Variants in APBA1 observed in about 807,000 individuals in gnomAD.
The protein encoded by APBA1 is amyloid beta precursor protein binding family A member 1, also known as amyloid-beta A4 precursor protein-binding family A member 1.
Under a neutral mutation model 86.6 loss-of-function variants are expected in APBA1, and 55 were observed. That is an observed-to-expected ratio of 0.64 (90% CI 0.51 to 0.80). APBA1 has a LOEUF of 0.80. Ranked by LOEUF, APBA1 falls within the 30% of genes least tolerant of loss-of-function variation. The probability of loss-of-function intolerance (pLI) is 0.00; values close to 1 mark genes in which losing one functional copy is unlikely to be tolerated. For missense variants in APBA1, 1,090 were observed against 1,183.0 expected, an observed-to-expected ratio of 0.92 and a Z score of 1.15; for synonymous variants, 511 against 493.9, an observed-to-expected ratio of 1.03 and a Z score of -0.46.
intron 1 of APBA1, among the ~76,000 whole-genome samples, chr9:69,579,579 G>A (rs1821872886): frequency 6.6e-6 from 1 of 152,280 alleles, no homozygotes; most frequent in Admixed American, 6.5e-5. Context: ...AAGAAATTAT[G>A]TAATTTGGCC....
intron 1 of APBA1, among the ~76,000 whole-genome samples, chr9:69,616,744 C>A (rs1486324425): frequency 5.9e-5 from 9 of 152,138 alleles, no homozygotes; most frequent in Admixed American, 3.3e-4. Flanking sequence ...TGATGTGGGA[C>A]CAGATTAGAC....
At position 69,597,653 on chromosome 9, in the gene APBA1, G is replaced by A. The variant is rs564223954; in HGVS notation, c.-70+74500C>T. Among the ~76,000 whole-genome samples the A allele has an allele frequency of 9.9e-5, 15 of 152,258 alleles. 1 individual carries two copies. The highest frequency in any genetic ancestry group is 3.4e-3 in the Middle Eastern group (1 of 294). On this transcript the variant is annotated intron_variant, in intron 1 of 12. Coordinates refer to ENST00000265381, the MANE Select transcript of APBA1 (RefSeq NM_001163.4). Reference sequence around the variant, plus strand: ...GGGTTTTTATGGTTTTAGGTCTAACGTTTAAGTCTTTAATCCATCTTGAAT... The same window carrying A: ...GGGTTTTTATGGTTTTAGGTCTAACATTTAAGTCTTTAATCCATCTTGAAT...
At chr9:69,440,234 A>G (rs1312180076) in intron 11 of APBA1, among the ~76,000 whole-genome samples, 3 of 152,126 alleles carry the variant, frequency 2.0e-5, no homozygotes, top group Non-Finnish European at 4.4e-5. Context: ...GGGGTCAGGG[A>G]CACACTTCAG....
chr9:69,486,462 G>A (rs1835611421), intron 2 of APBA1, among the ~76,000 whole-genome samples: 1 of 152,078 alleles, frequency 6.6e-6, no homozygotes, highest in African/African-American at 2.4e-5. Context: ...AAAGAGGAAG[G>A]AGACCTGTTT....
intron 1 of APBA1, among the ~76,000 whole-genome samples, chr9:69,579,125 T>C (rs1260754141): frequency 1.3e-5 from 2 of 152,052 alleles, no homozygotes; most frequent in African/African-American, 2.4e-5. Flanking sequence ...CACCTCTGCT[T>C]GTTAACATGT....
chr9:69,617,863 C>T (rs1456285373), intron 1 of APBA1, among the ~76,000 whole-genome samples: 3 of 152,118 alleles, frequency 2.0e-5, no homozygotes, highest in Non-Finnish European at 4.4e-5. Flanking sequence ...ATCTTACTTT[C>T]TTGCCAATCA....
At chr9:69,489,491 G>T (rs912196102) in intron 2 of APBA1, among the ~76,000 whole-genome samples, 1 of 152,084 alleles carries the variant, frequency 6.6e-6, no homozygotes, top group African/African-American at 2.4e-5. Flanking sequence ...ATGGATTAAA[G>T]ACTTAAATGT....
Position 69,517,184 on chromosome 9 carries a change from C to A in APBA1, c.27G>T (p.Glu9Asp), listed in dbSNP as rs1391858507. 7 of 1,536,354 alleles carry A rather than the reference C, an allele frequency of 4.6e-6. No individual in the cohort carries two copies. In the Admixed American group the frequency reaches 1.4e-4, roughly 30 times the overall value. Reference sequence around the variant, plus strand: ...CTGCCGCCTCGTCGGTCACCTCCACCTCCGCAGACCCCTCCAAGTGGTTCA... The same window carrying A: ...CTGCCGCCTCGTCGGTCACCTCCACATCCGCAGACCCCTCCAAGTGGTTCA... MNHLEGSA[E>D]VEVTDEAAGG... The change falls in exon 2 of 13, where the codon GAG becomes GAT. Residue 9 changes from glutamate (E) to aspartate (D), a missense_variant. Around this residue, in one of 6 missense-constraint regions of APBA1, gnomAD observed 678 missense variants for 647.1 expected, o/e 1.05. Transcript: ENST00000265381.
At chr9:69,448,400 A>G (rs1022307927) in intron 10 of APBA1, among the ~76,000 whole-genome samples, 2 of 152,268 alleles carry the variant, frequency 1.3e-5, no homozygotes, top group Middle Eastern at 3.2e-3. Flanking sequence ...TCTTACCTTT[A>G]ACGTGTATTA....
intron 10 of APBA1, among the ~76,000 whole-genome samples, chr9:69,449,255 C>G (rs1834961211): frequency 6.6e-6 from 1 of 152,196 alleles, no homozygotes; most frequent in Non-Finnish European, 1.5e-5. Context: ...GATTCCCAAG[C>G]TGAGGCCATT....
At chr9:69,482,519 T>C (rs547243822) in intron 2 of APBA1, among the ~76,000 whole-genome samples, 263 of 151,190 alleles carry the variant, frequency 1.7e-3, no homozygotes, top group African/African-American at 5.9e-3. Context: ...TTTTACACTG[T>C]TGGTGGGACT....
chr9:69,513,591 A>G (rs1836086985), intron 2 of APBA1, among the ~76,000 whole-genome samples: 1 of 152,216 alleles, frequency 6.6e-6, no homozygotes, highest in Non-Finnish European at 1.5e-5. Context: ...GAGGTCAAGG[A>G]GAATTCTACA....
intron 1 of APBA1, among the ~76,000 whole-genome samples, chr9:69,533,195 T>C (rs1370070322): frequency 6.6e-6 from 1 of 152,186 alleles, no homozygotes; most frequent in Non-Finnish European, 1.5e-5. Flanking sequence ...AGGATATATA[T>C]GTATTAAAAT....
chr9:69,560,381 GCCCACA>G (rs1414313606), intron 1 of APBA1, among the ~76,000 whole-genome samples: 1 of 152,160 alleles, frequency 6.6e-6, no homozygotes, highest in Admixed American at 6.5e-5. Context: ...AGATGCCCAT[GCCCACA>G]CCACACTTAG....
intron 1 of APBA1, among the ~76,000 whole-genome samples, chr9:69,607,633 T>C (rs1475066523): frequency 1.3e-5 from 2 of 152,224 alleles, no homozygotes; most frequent in African/African-American, 4.8e-5. Context: ...TAAAACCACA[T>C]ATTTTCTTAC....
At chr9:69,520,956 T>A (rs1407494322) in intron 1 of APBA1, among the ~76,000 whole-genome samples, 1 of 152,184 alleles carries the variant, frequency 6.6e-6, no homozygotes, top group East Asian at 1.9e-4. Flanking sequence ...CTGAATCCCA[T>A]AACCCTACTC....
intron 1 of APBA1, among the ~76,000 whole-genome samples, chr9:69,538,582 G>C (rs1030593204): frequency 6.6e-6 from 1 of 152,166 alleles, no homozygotes; most frequent in Admixed American, 6.5e-5. Context: ...TCAGTGGTTT[G>C]TGTTACTCAT....
chr9:69,540,279 G>T (rs11139224), intron 1 of APBA1, among the ~76,000 whole-genome samples: 60,824 of 151,654 alleles, frequency 0.4, 13,004 homozygotes, highest in Non-Finnish European at 0.47. Context: ...ATTTATTGTT[G>T]GTCTCTCTCC....
At chr9:69,656,909 T>A (rs10746686) in intron 1 of APBA1, among the ~76,000 whole-genome samples, 139,449 of 150,564 alleles carry the variant, frequency 0.93, 64,868 homozygotes, top group East Asian at 1. Context: ...GCAGTGGCGC[T>A]GTCTTGGCTC....
Sources: allele counts gnomAD v4.1 joint callset (sites outside exome capture counted in the v4.1 genomes callset), GRCh38; gene constraint gnomAD v4.1.1; regional missense constraint gnomAD v4.1.1; transcripts MANE v1.5; gene names NCBI Gene and HGNC (gene_info 2026-07-23, HGNC 2026-07-21).